Variants in HSD17B12 observed in about 807,000 individuals in gnomAD.
HSD17B12 encodes the protein very-long-chain 3-oxoacyl-CoA reductase.
Under a neutral mutation model 39.3 loss-of-function variants are expected in HSD17B12, and 32 were observed. The ratio of observed to expected loss-of-function variants is 0.81; its 90% CI spans 0.61 to 1.09. The LOEUF (loss-of-function observed/expected upper bound fraction) is 1.09. Ranked by LOEUF, HSD17B12 falls within the 50% of genes least tolerant of loss-of-function variation. The probability of loss-of-function intolerance (pLI) is 0.00; values close to 1 mark genes in which losing one functional copy is unlikely to be tolerated. For missense variants in HSD17B12, 342 were observed against 382.9 expected, an observed-to-expected ratio of 0.89 and a Z score of 0.89; for synonymous variants, 150 against 146.7, an observed-to-expected ratio of 1.02 and a Z score of -0.16.
At chr11:43,677,176 G>C (rs1217347813), upstream of HSD17B12, among the ~76,000 whole-genome samples, 1 of 152,140 alleles carries the variant, frequency 6.6e-6, no homozygotes, top group Non-Finnish European at 1.5e-5. Flanking sequence ...GAATGGAGAA[G>C]GGGGGGTTTG....
chr11:43,735,204 G>A (rs540493872), intron 1 of HSD17B12, among the ~76,000 whole-genome samples: 1 of 152,058 alleles, frequency 6.6e-6, no homozygotes, highest in South Asian at 2.1e-4. Flanking sequence ...CTACCTTTTG[G>A]CTATTGGCAG....
At chr11:43,669,964 AT>A in the HSD17B12 span, among the ~76,000 whole-genome samples, 2 of 152,304 alleles carry the variant, frequency 1.3e-5, no homozygotes, top group African/African-American at 4.8e-5. Flanking sequence ...CTTGCAGGGG[AT>A]TTGTAATGGA....
chr11:43,767,802 A>G (rs887270696), intron 3 of HSD17B12, among the ~76,000 whole-genome samples: 26 of 152,224 alleles, frequency 1.7e-4, no homozygotes, highest in African/African-American at 6.3e-4. Flanking sequence ...TATGGAATCA[A>G]CTTTTAATGT....
At chr11:43,782,285 G>T (rs1360376473) in intron 3 of HSD17B12, among the ~76,000 whole-genome samples, 2 of 152,168 alleles carry the variant, frequency 1.3e-5, no homozygotes, top group African/African-American at 2.4e-5. Context: ...TACTTGAAGG[G>T]ATTTCCACTA....
chr11:43,803,613 C>G (rs917111063), intron 4 of HSD17B12, among the ~76,000 whole-genome samples: 1 of 151,996 alleles, frequency 6.6e-6, no homozygotes, highest in Non-Finnish European at 1.5e-5. Context: ...TTCAGAATTA[C>G]AAAGGAAAAT....
the HSD17B12 span, among the ~76,000 whole-genome samples, chr11:43,671,445 T>C: frequency 6.6e-6 from 1 of 152,210 alleles, no homozygotes; most frequent in Non-Finnish European, 1.5e-5. Flanking sequence ...CCTCCCAGAG[T>C]GTTGGGATTA....
At chr11:43,764,243 G>A (rs1187055948) in intron 3 of HSD17B12, among the ~76,000 whole-genome samples, 1 of 152,066 alleles carries the variant, frequency 6.6e-6, no homozygotes, top group Non-Finnish European at 1.5e-5. Flanking sequence ...TTAAAATAAT[G>A]ACTAGTTGTT....
At chr11:43,758,909 T>G (rs748720407) in intron 3 of HSD17B12, among the ~76,000 whole-genome samples, 1 of 152,190 alleles carries the variant, frequency 6.6e-6, no homozygotes, top group African/African-American at 2.4e-5. Context: ...CTTAACACTA[T>G]GTCTAAGCCC....
the HSD17B12 span, among the ~76,000 whole-genome samples, chr11:43,579,683 A>C: frequency 6.6e-6 from 1 of 151,946 alleles, no homozygotes; most frequent in Admixed American, 6.5e-5. Context: ...GGGCGCGCAG[A>C]CGCTCGGAGG....
the HSD17B12 span, among the ~76,000 whole-genome samples, chr11:43,657,637 AT>A: frequency 6.6e-6 from 1 of 152,088 alleles, no homozygotes; most frequent in South Asian, 2.1e-4. Context: ...TCTGTAAAGT[AT>A]TTTATTTCTC....
At position 43,743,388 on chromosome 11, in the gene HSD17B12, G is replaced by A. The variant is rs1459187676; in HGVS notation, c.161-7523G>A. On this transcript the variant is annotated intron_variant, in intron 1 of 10. Transcript: ENST00000278353. ...AGTCACAGCTATTGAAGGTGGTGGAGTGGTAACTGACTTCCAGAGCAGACA... is the reference window on the plus strand; with the variant it reads ...AGTCACAGCTATTGAAGGTGGTGGAATGGTAACTGACTTCCAGAGCAGACA... Among the ~76,000 whole-genome samples the A allele has an allele frequency of 9.9e-5, 15 of 152,198 alleles. 1 individual carries two copies. Among genetic ancestry groups the A allele is most frequent in the Non-Finnish European group, 1.5e-5 (1 of 68,034 alleles).
intron 1 of HSD17B12, among the ~76,000 whole-genome samples, chr11:43,697,366 A>T (rs139765185): frequency 6.6e-6 from 1 of 152,326 alleles, no homozygotes; most frequent in East Asian, 1.9e-4. Context: ...GAAAAGTAGA[A>T]GATGATGATG....
At chr11:43,655,846 G>T in the HSD17B12 span, among the ~76,000 whole-genome samples, 1 of 152,070 alleles carries the variant, frequency 6.6e-6, no homozygotes, top group African/African-American at 2.4e-5. Context: ...TGTTCATCAG[G>T]GATATTGGTC....
the HSD17B12 span, chr11:43,559,845 C>G: frequency 6.4e-6 from 1 of 155,918 alleles, no homozygotes; most frequent in Non-Finnish European, 1.5e-5. Flanking sequence ...TGGATGAGCC[C>G]TGGTGCTTGC....
chr11:43,578,588 GT>G, the HSD17B12 span, among the ~76,000 whole-genome samples: 1 of 152,148 alleles, frequency 6.6e-6, no homozygotes, highest in Admixed American at 6.5e-5. Flanking sequence ...CGGCCTCCTC[GT>G]CATTCACTGG....
chr11:43,687,978 G>C (rs1949817564), intron 1 of HSD17B12, among the ~76,000 whole-genome samples: 1 of 152,318 alleles, frequency 6.6e-6, no homozygotes, highest in South Asian at 2.1e-4. Context: ...TTGGGAGGCT[G>C]AAGTGGGCGG....
At chr11:43,738,662 A>T (rs1213823110) in intron 1 of HSD17B12, among the ~76,000 whole-genome samples, 4 of 152,206 alleles carry the variant, frequency 2.6e-5, no homozygotes, top group African/African-American at 4.8e-5. Flanking sequence ...TCATTCACTC[A>T]TCCATTCATA....
chr11:43,802,232 C>G (rs886922801), intron 4 of HSD17B12, among the ~76,000 whole-genome samples: 1 of 151,842 alleles, frequency 6.6e-6, no homozygotes, highest in African/African-American at 2.4e-5. Flanking sequence ...ATGATCTGCC[C>G]GCCTCGGCCT....
intron 6 of HSD17B12, among the ~76,000 whole-genome samples, chr11:43,825,960 C>A (rs1343364824): frequency 2.0e-5 from 3 of 152,104 alleles, no homozygotes; most frequent in African/African-American, 7.2e-5. Flanking sequence ...CCTCCCCAAA[C>A]CTGTCACTTT....
Sources: gnomAD v4.1 joint callset for allele counts (sites outside exome capture counted in the v4.1 genomes callset) on GRCh38, gnomAD v4.1.1 for gene constraint, MANE v1.5 for transcripts, NCBI Gene and HGNC (gene_info 2026-07-23, HGNC 2026-07-21) for gene names.